Variants in SNTG2 observed in about 807,000 individuals in gnomAD.
SNTG2 encodes the protein gamma-2-syntrophin.
In SNTG2, 74 loss-of-function variants were observed where a neutral mutation model predicts 70.9. That is an observed-to-expected ratio of 1.04 (90% CI 0.86 to 1.27). The LOEUF is 1.27. Ranked by LOEUF, SNTG2 falls within the 50% of genes most tolerant of loss-of-function variation. SNTG2 has a pLI of 0.00. For synonymous variants in SNTG2, 278 were observed against 273.8 expected (o/e 1.02, Z -0.15); for missense variants, 717 against 690.7 (o/e 1.04, Z -0.43).
At chr2:1,017,094 A>G (rs1299310214) in intron 1 of SNTG2, among the ~76,000 whole-genome samples, 3 of 152,166 alleles carry the variant, frequency 2.0e-5, no homozygotes, top group Admixed American at 1.3e-4. Context: ...GGCAGTGAGT[A>G]TACGGTTTAC....
At chr2:1,002,690 C>CAA (rs34877197) in intron 1 of SNTG2, among the ~76,000 whole-genome samples, 11 of 117,758 alleles carry the variant, frequency 9.3e-5, no homozygotes, top group East Asian at 2.6e-4. Flanking sequence ...GAATATTTCT[C>CAA]AAAAAAAAAA....
chr2:1,175,678 C>T (rs1053063691), intron 8 of SNTG2, among the ~76,000 whole-genome samples: 5 of 152,242 alleles, frequency 3.3e-5, no homozygotes, highest in African/African-American at 1.2e-4. Context: ...TTGTCTGCAA[C>T]ACCCTGTCCC....
At chr2:1,173,004 T>C (rs1182845701) in intron 7 of SNTG2, 88 bp from the exon 8 acceptor site, 6 of 1,225,730 alleles carry the variant, frequency 4.9e-6, no homozygotes, top group Non-Finnish European at 7.1e-6. Context: ...TAACTTCCCA[T>C]GCACAGGTAG....
chr2:1,165,024 T>C (rs914581883), intron 6 of SNTG2, among the ~76,000 whole-genome samples: 7 of 152,240 alleles, frequency 4.6e-5, no homozygotes, highest in Non-Finnish European at 1.0e-4. Flanking sequence ...TAGGGGATTG[T>C]ATGTGAGGTG....
At chr2:1,351,449 T>C (rs922568041) in intron 16 of SNTG2, among the ~76,000 whole-genome samples, 1 of 152,068 alleles carries the variant, frequency 6.6e-6, no homozygotes, top group Non-Finnish European at 1.5e-5. Flanking sequence ...AAGGAAAGTA[T>C]CCCAGGAGGT....
chr2:1,257,892 A>G (rs1276541339), intron 12 of SNTG2, among the ~76,000 whole-genome samples: 1 of 152,226 alleles, frequency 6.6e-6, no homozygotes, highest in African/African-American at 2.4e-5. Context: ...GAATATGCAT[A>G]AGGTGTATTT....
intron 2 of SNTG2, among the ~76,000 whole-genome samples, chr2:1,091,027 G>A (rs1664985853): frequency 6.6e-6 from 1 of 152,166 alleles, no homozygotes; most frequent in Admixed American, 6.5e-5. Flanking sequence ...CCACCTGATG[G>A]TCGCCTGACG....
At chr2:1,063,767 T>C (rs1662974700) in intron 1 of SNTG2, among the ~76,000 whole-genome samples, 1 of 152,132 alleles carries the variant, frequency 6.6e-6, no homozygotes, top group Non-Finnish European at 1.5e-5. Flanking sequence ...GGAAAAGACA[T>C]TGAATCAAAG....
At position 1,091,004 on chromosome 2, in the gene SNTG2, A is replaced by T. The variant is rs2148191464; in HGVS notation, c.211-7192A>T. Among the ~76,000 whole-genome samples, 3 of 152,322 alleles carry T rather than the reference A, an allele frequency of 2.0e-5. No homozygotes were observed. In the Middle Eastern group the frequency reaches 0.01, roughly 518 times the overall value. ...GATCATTTTAGAGAGAAAGTGTAAC[A>T]ACCACCTGACCACCACCTGATGGTC... On this transcript the variant is annotated intron_variant, in intron 2 of 16. Transcript: ENST00000308624.
chr2:1,224,974 A>G (rs1675674680), intron 9 of SNTG2, among the ~76,000 whole-genome samples: 1 of 152,266 alleles, frequency 6.6e-6, no homozygotes, highest in African/African-American at 2.4e-5. Context: ...GCAGGAAAAC[A>G]TTGAGCTGTG....
chr2:1,169,440 A>G (rs73169996), intron 7 of SNTG2, among the ~76,000 whole-genome samples: 178 of 152,236 alleles, frequency 1.2e-3, no homozygotes, highest in African/African-American at 4.0e-3. Flanking sequence ...AATTTAAGCA[A>G]CAGCAGCAGC....
intron 8 of SNTG2, among the ~76,000 whole-genome samples, chr2:1,194,930 A>G (rs1480993726): frequency 6.6e-6 from 1 of 151,882 alleles, no homozygotes; most frequent in Non-Finnish European, 1.5e-5. Context: ...CCCTGTGTCC[A>G]TGTGTTCTCA....
chr2:1,360,555 G>A (rs1165343133), intron 16 of SNTG2, among the ~76,000 whole-genome samples: 1 of 152,158 alleles, frequency 6.6e-6, no homozygotes, highest in Non-Finnish European at 1.5e-5. Context: ...ACAAGTGAGG[G>A]GAAGCTCCTT....
chr2:951,724 A>G (rs1353689828), intron 1 of SNTG2, among the ~76,000 whole-genome samples: 1 of 152,202 alleles, frequency 6.6e-6, no homozygotes, highest in East Asian at 1.9e-4. Context: ...GAAAAACGAA[A>G]AGTTCTTGGA....
intron 1 of SNTG2, among the ~76,000 whole-genome samples, chr2:1,005,837 A>G (rs1659550355): frequency 5.9e-5 from 1 of 16,898 alleles, no homozygotes; most frequent in Admixed American, 7.9e-4. Context: ...ATATATATAT[A>G]TATATATATA....
At chr2:1,267,335 C>T in intron 13 of SNTG2, 30 bp from the exon 14 acceptor site, 1 of 1,561,420 alleles carries the variant, frequency 6.4e-7, no homozygotes, top group Non-Finnish European at 8.7e-7. Flanking sequence ...TCCAGCGCTG[C>T]ACGTTTCCAA....
intron 1 of SNTG2, among the ~76,000 whole-genome samples, chr2:1,028,061 G>A (rs1335487976): frequency 1.3e-5 from 2 of 151,240 alleles, no homozygotes; most frequent in Non-Finnish European, 2.9e-5. Flanking sequence ...ATAAGCAGGT[G>A]CATCATTGAA....
At chr2:1,255,867 TATATAAATATATATATAA>T (rs1195396951) in intron 12 of SNTG2, among the ~76,000 whole-genome samples, 5 of 74,430 alleles carry the variant, frequency 6.7e-5, no homozygotes, top group South Asian at 4.5e-4. Flanking sequence ...TATATAAATA[TATATAAATATATATATAA>T]ATATATATAA....
At chr2:999,876 C>T (rs954376185) in intron 1 of SNTG2, among the ~76,000 whole-genome samples, 5 of 151,888 alleles carry the variant, frequency 3.3e-5, no homozygotes, top group African/African-American at 1.2e-4. Context: ...CATATAAGGT[C>T]GCAAAACAAG....
Sources: gnomAD v4.1 joint callset for allele counts (sites outside exome capture counted in the v4.1 genomes callset) on GRCh38, gnomAD v4.1.1 for gene constraint, MANE v1.5 for transcripts, NCBI Gene and HGNC (gene_info 2026-07-23, HGNC 2026-07-21) for gene names.